The following SUMF1 variants were observed in gnomAD, a reference collection of about 807,000 sequenced individuals.
The protein encoded by SUMF1 is formylglycine-generating enzyme.
Under a neutral mutation model 47.6 loss-of-function variants are expected in SUMF1, and 48 were observed. The ratio of observed to expected loss-of-function variants is 1.01; its 90% CI spans 0.80 to 1.28. SUMF1 has a LOEUF of 1.28. Among genes scored for constraint, SUMF1 ranks in the 50% most tolerant of loss-of-function variants. SUMF1 has a pLI of 0.00. For missense variants in SUMF1, 571 were observed against 485.4 expected (o/e 1.18, Z -1.66); for synonymous variants, 230 against 192.1 (o/e 1.20, Z -1.63).
chr3:4,043,565 A>G (rs900359245), intron 9 of SUMF1, among the ~76,000 whole-genome samples: 6 of 152,030 alleles, frequency 3.9e-5, no homozygotes, highest in Non-Finnish European at 8.8e-5. Context: ...CGAATTTACC[A>G]TGGCTCTGGA....
chr3:4,296,524 G>T (rs111463900), intron 8 of SUMF1, among the ~76,000 whole-genome samples: 1 of 152,124 alleles, frequency 6.6e-6, no homozygotes, highest in East Asian at 1.9e-4. Context: ...AGGAGCAAAG[G>T]TACATCTTAC....
intron 8 of SUMF1, chr3:4,303,582 T>C: frequency 7.5e-7 from 1 of 1,335,868 alleles, no homozygotes; most frequent in Non-Finnish European, 9.6e-7. Context: ...CCACGTGGTC[T>C]CCTCAAGCCG....
At chr3:4,271,611 C>G (rs1017112362) in intron 8 of SUMF1, among the ~76,000 whole-genome samples, 2 of 152,142 alleles carry the variant, frequency 1.3e-5, no homozygotes, top group African/African-American at 4.8e-5. Context: ...AAGTGATTCT[C>G]CCGCCTCAGT....
intron 3 of SUMF1, among the ~76,000 whole-genome samples, chr3:4,442,840 C>T (rs1386522425): frequency 6.7e-6 from 1 of 150,348 alleles, no homozygotes; most frequent in African/African-American, 2.5e-5. Context: ...TGCAAATGAG[C>T]AACAGAAAAG....
chr3:4,297,017 C>A (rs1697866525), intron 8 of SUMF1, among the ~76,000 whole-genome samples: 1 of 152,126 alleles, frequency 6.6e-6, no homozygotes, highest in Non-Finnish European at 1.5e-5. Flanking sequence ...TCCCCTGCTT[C>A]TCCATCTATA....
At chr3:4,324,763 C>T (rs1319293390) in intron 8 of SUMF1, among the ~76,000 whole-genome samples, 2 of 152,184 alleles carry the variant, frequency 1.3e-5, no homozygotes, top group South Asian at 2.1e-4. Context: ...CAGTATTGAT[C>T]GATTACCAAG....
chr3:4,252,395 A>T, intron 8 of SUMF1, among the ~76,000 whole-genome samples: 1 of 151,786 alleles, frequency 6.6e-6, no homozygotes, highest in Non-Finnish European at 1.5e-5. Context: ...TGGCTGTTTA[A>T]AACATTTGTA....
At chr3:4,194,930 T>C (rs1311076314) in intron 8 of SUMF1, among the ~76,000 whole-genome samples, 3 of 152,178 alleles carry the variant, frequency 2.0e-5, no homozygotes, top group Non-Finnish European at 4.4e-5. Flanking sequence ...GGATTTTTAG[T>C]TCTTGACCAA....
chr3:4,074,536 A>C (rs1692375095), intron 8 of SUMF1, among the ~76,000 whole-genome samples: 2 of 152,276 alleles, frequency 1.3e-5, no homozygotes, highest in African/African-American at 4.8e-5. Context: ...CCTTCAAAAA[A>C]TCAATGAATA....
At chr3:4,405,853 G>A (rs1185410664) in intron 7 of SUMF1, among the ~76,000 whole-genome samples, 3 of 152,194 alleles carry the variant, frequency 2.0e-5, no homozygotes, top group Admixed American at 1.3e-4. Context: ...GATTCATTCA[G>A]AGGAGGAATA....
chr3:4,148,753 G>C (rs1397052312), intron 8 of SUMF1, among the ~76,000 whole-genome samples: 5 of 152,034 alleles, frequency 3.3e-5, no homozygotes, highest in Non-Finnish European at 7.4e-5. Context: ...CTAGAACACA[G>C]TTTACTAATC....
intron 2 of SUMF1, among the ~76,000 whole-genome samples, chr3:4,451,572 T>C (rs1702969574): frequency 6.6e-6 from 1 of 152,236 alleles, no homozygotes; most frequent in Non-Finnish European, 1.5e-5. Flanking sequence ...TGGAGAACCC[T>C]GGTTCTGTAG....
intron 8 of SUMF1, among the ~76,000 whole-genome samples, chr3:4,241,445 AT>A (rs942744927): frequency 2.0e-5 from 3 of 152,132 alleles, no homozygotes; most frequent in Admixed American, 6.6e-5. Flanking sequence ...TCAACTGGTT[AT>A]TTATGGCATG....
At chr3:4,429,266 G>C (rs956303236) in intron 3 of SUMF1, among the ~76,000 whole-genome samples, 1 of 152,190 alleles carries the variant, frequency 6.6e-6, no homozygotes, top group Non-Finnish European at 1.5e-5. Flanking sequence ...AGACATCTGC[G>C]TGTACACCCA....
intron 8 of SUMF1, among the ~76,000 whole-genome samples, chr3:4,353,895 G>T (rs977846939): frequency 6.6e-6 from 1 of 151,816 alleles, no homozygotes; most frequent in Admixed American, 6.6e-5. Context: ...ACAGGGTATG[G>T]CTCTGTCACC....
intron 3 of SUMF1, among the ~76,000 whole-genome samples, chr3:4,431,106 C>CAGATTTAT (rs1177373273): frequency 6.6e-6 from 1 of 152,106 alleles, no homozygotes; most frequent in Non-Finnish European, 1.5e-5. Flanking sequence ...AAGGGAAGTC[C>CAGATTTAT]AGATTTATAC....
chr3:4,083,774 CAT>C (rs1692615701), intron 8 of SUMF1, among the ~76,000 whole-genome samples: 1 of 147,020 alleles, frequency 6.8e-6, no homozygotes, highest in Non-Finnish European at 1.5e-5. Context: ...AGAGATAAAA[CAT>C]AAATATTAAT....
intron 8 of SUMF1, among the ~76,000 whole-genome samples, chr3:4,154,929 A>T (rs1694419377): frequency 6.6e-6 from 1 of 151,496 alleles, no homozygotes; most frequent in Non-Finnish European, 1.5e-5. Flanking sequence ...GTCAGCAAGG[A>T]AGGAGATCAC....
chr3:4,253,164 C>G (rs1390306534), intron 8 of SUMF1, among the ~76,000 whole-genome samples: 1 of 152,186 alleles, frequency 6.6e-6, no homozygotes, highest in Non-Finnish European at 1.5e-5. Flanking sequence ...GTTCACTTTC[C>G]ATCTCTTGTA....
Sources: allele counts gnomAD v4.1 joint callset (sites outside exome capture counted in the v4.1 genomes callset), GRCh38; gene constraint gnomAD v4.1.1; transcripts MANE v1.5; gene names NCBI Gene and HGNC (gene_info 2026-07-23, HGNC 2026-07-21).